BACH2: variants seen among roughly 807,000 people sequenced by gnomAD.
The protein encoded by BACH2 is transcription regulator protein BACH2.
Under a neutral mutation model 61.8 loss-of-function variants are expected in BACH2, and 5 were observed. The ratio of observed to expected loss-of-function variants is 0.08; its 90% confidence interval spans 0.04 to 0.17. The LOEUF (loss-of-function observed/expected upper bound fraction) is 0.17. Among genes scored for constraint, BACH2 ranks in the 10% least tolerant of loss-of-function variants. The pLI, the probability that BACH2 is intolerant of heterozygous loss-of-function variation, is 1.00. For missense variants in BACH2, 824 were observed against 1,091.1 expected (o/e 0.76, Z 3.45); for synonymous variants, 446 against 440.1 (o/e 1.01, Z -0.17).
At chr6:90,030,690 T>G (rs536031593) in intron 5 of BACH2, among the ~76,000 whole-genome samples, 179 of 152,064 alleles carry the variant, frequency 1.2e-3, no homozygotes, top group African/African-American at 3.7e-3. Flanking sequence ...AATAACAGGT[T>G]CTGAAATTGA....
chr6:90,090,209 A>T (rs777177762), intron 4 of BACH2, among the ~76,000 whole-genome samples: 27 of 152,176 alleles, frequency 1.8e-4, no homozygotes, highest in Admixed American at 5.9e-4. Flanking sequence ...ATTATACCCC[A>T]TAGAAATACA....
Position 90,121,976 on chromosome 6 carries a change from T to C in BACH2, c.-161-32867A>G, listed in dbSNP as rs529573220. On this transcript the variant is annotated intron_variant, in intron 4 of 8. Transcript: ENST00000257749. ...GGCTACCTATCTATTGGTAAGACTG[T>C]TTTAACTGCAGTTCAATGAATATGA... 2.6e-5 allele frequency among the ~76,000 whole-genome samples: 4 copies of C among 152,328 alleles called. No homozygotes were observed. The South Asian group carries it at 8.3e-4, about 32-fold the overall frequency.
intron 4 of BACH2, among the ~76,000 whole-genome samples, chr6:90,196,318 A>G (rs1427901868): frequency 6.6e-6 from 1 of 152,228 alleles, no homozygotes; most frequent in African/African-American, 2.4e-5. Flanking sequence ...GCAATTTTTC[A>G]TAATGAATGT....
intron 6 of BACH2, among the ~76,000 whole-genome samples, chr6:89,981,941 T>C (rs1775981260): frequency 6.6e-6 from 1 of 151,984 alleles, no homozygotes; most frequent in Non-Finnish European, 1.5e-5. Flanking sequence ...GGGGAAGTGA[T>C]GGGTCTGTGA....
intron 1 of BACH2, among the ~76,000 whole-genome samples, chr6:90,276,416 T>C (rs186587129): frequency 3.9e-5 from 6 of 152,326 alleles, no homozygotes; most frequent in Non-Finnish European, 5.9e-5. Flanking sequence ...CACACACCTT[T>C]AAATGATCAC....
At chr6:90,155,113 C>A (rs942627276) in intron 4 of BACH2, among the ~76,000 whole-genome samples, 1 of 152,126 alleles carries the variant, frequency 6.6e-6, no homozygotes, top group Non-Finnish European at 1.5e-5. Flanking sequence ...CCTAAGACAC[C>A]GCAGCCCCAA....
intron 5 of BACH2, among the ~76,000 whole-genome samples, chr6:90,016,121 CTCTTAT>C (rs953617277): frequency 1.2e-4 from 18 of 152,092 alleles, no homozygotes; most frequent in Non-Finnish European, 2.5e-4. Context: ...TCTTTTTCTA[CTCTTAT>C]TCTTTTAACC....
intron 4 of BACH2, among the ~76,000 whole-genome samples, chr6:90,173,830 A>AG (rs1767899042): frequency 6.6e-6 from 1 of 152,164 alleles, no homozygotes. Flanking sequence ...TATGAAAATT[A>AG]TACCTTAATA....
intron 2 of BACH2, among the ~76,000 whole-genome samples, chr6:90,269,136 C>G (rs929756523): frequency 5.3e-5 from 8 of 151,988 alleles, no homozygotes; most frequent in African/African-American, 1.9e-4. Context: ...ATGCTAATAG[C>G]AACAGAAAAC....
At chr6:90,107,939 A>G (rs1399129365) in intron 4 of BACH2, among the ~76,000 whole-genome samples, 1 of 152,206 alleles carries the variant, frequency 6.6e-6, no homozygotes, top group African/African-American at 2.4e-5. Flanking sequence ...CTCAGTGTGT[A>G]TGCTGTGTCA....
intron 5 of BACH2, among the ~76,000 whole-genome samples, chr6:90,009,232 C>T (rs1277533292): frequency 6.6e-6 from 1 of 152,204 alleles, no homozygotes; most frequent in Non-Finnish European, 1.5e-5. Context: ...TAAATAGCCT[C>T]TATGCAAGGA....
intron 4 of BACH2, among the ~76,000 whole-genome samples, chr6:90,154,377 A>G (rs927122572): frequency 9.2e-5 from 14 of 152,194 alleles, no homozygotes; most frequent in African/African-American, 3.4e-4. Flanking sequence ...TGTAGTCAAT[A>G]GTGTCTTAAA....
intron 5 of BACH2, among the ~76,000 whole-genome samples, chr6:90,065,899 C>T (rs761078639): frequency 6.6e-6 from 1 of 152,090 alleles, no homozygotes; most frequent in African/African-American, 2.4e-5. Context: ...ATGAATGATG[C>T]AGGAGAATTA....
At chr6:90,070,527 G>A (rs1562419715) in intron 5 of BACH2, among the ~76,000 whole-genome samples, 1 of 152,164 alleles carries the variant, frequency 6.6e-6, no homozygotes, top group East Asian at 1.9e-4. Context: ...CGGTCCTCCT[G>A]ACTGTAATTC....
intron 4 of BACH2, among the ~76,000 whole-genome samples, chr6:90,163,965 A>G (rs868194496): frequency 2.6e-5 from 4 of 152,346 alleles, no homozygotes; most frequent in Middle Eastern, 3.4e-3. Flanking sequence ...GAAAGCAGGA[A>G]AGATCTAAAA....
intron 6 of BACH2, chr6:89,953,112 A>G (rs1239213457): frequency 1.3e-5 from 2 of 152,240 alleles, no homozygotes; most frequent in Non-Finnish European, 2.9e-5. Context: ...GTGAACTGGT[A>G]AACTTTGTAG....
chr6:90,185,810 G>A (rs1768336897), intron 4 of BACH2, among the ~76,000 whole-genome samples: 1 of 152,182 alleles, frequency 6.6e-6, no homozygotes, highest in Admixed American at 6.5e-5. Context: ...CTCCCAGAGA[G>A]CAAAGGCTGT....
chr6:89,935,910 A>C (rs1772993813), intron 8 of BACH2, among the ~76,000 whole-genome samples: 1 of 152,238 alleles, frequency 6.6e-6, no homozygotes, highest in Non-Finnish European at 1.5e-5. Context: ...GGCTTTCAGA[A>C]GACCCACACT....
chr6:90,057,389 C>T (rs879439667), intron 5 of BACH2, among the ~76,000 whole-genome samples: 1 of 152,164 alleles, frequency 6.6e-6, no homozygotes, highest in South Asian at 2.1e-4. Context: ...CGGATAAATT[C>T]CTCGACACAT....
Sources: gnomAD v4.1 joint callset for allele counts (sites outside exome capture counted in the v4.1 genomes callset) on GRCh38, gnomAD v4.1.1 for gene constraint, MANE v1.5 for transcripts, NCBI Gene and HGNC (gene_info 2026-07-23, HGNC 2026-07-21) for gene names.